TRMT2B: variants seen among roughly 807,000 people sequenced by gnomAD.
TRMT2B encodes the protein tRNA methyltransferase 2B.
Under a neutral mutation model 39.7 loss-of-function variants are expected in TRMT2B, and 34 were observed. The observed-to-expected ratio is 0.86, with a 90% CI of 0.65 to 1.14. The LOEUF is 1.14. TRMT2B is among the 50% of genes most tolerant of loss of function. The probability of loss-of-function intolerance (pLI) is 0.00; values close to 1 mark genes in which losing one functional copy is unlikely to be tolerated. For missense variants in TRMT2B, 318 were observed against 377.2 expected (o/e 0.84, Z 1.30); for synonymous variants, 132 against 137.3 (o/e 0.96, Z 0.27).
chrX:100,995,803 T>C, the TRMT2B span, among the ~76,000 whole-genome samples: 2 of 112,102 alleles, frequency 1.8e-5, no homozygotes, highest in East Asian at 5.6e-4. Flanking sequence ...TGTGAAATAA[T>C]GTTAAGTGAA....
the TRMT2B span, among the ~76,000 whole-genome samples, chrX:100,989,856 G>A: frequency 2.7e-5 from 3 of 112,395 alleles, no homozygotes; most frequent in Non-Finnish European, 3.8e-5. Flanking sequence ...ACATGGAGGG[G>A]CTTGGACTTG....
the TRMT2B span, among the ~76,000 whole-genome samples, chrX:100,977,369 C>CTTTTTTTTTTTTTT: frequency 1.6e-4 from 9 of 56,457 alleles, no homozygotes; most frequent in African/African-American, 6.4e-4. Flanking sequence ...CTACTCTCTT[C>CTTTTTTTTTTTTTT]TTTTTTTTTT....
chrX:101,044,557 C>A (rs1192941498), intron 2 of TRMT2B, among the ~76,000 whole-genome samples: 2 of 110,811 alleles, frequency 1.8e-5, no homozygotes, highest in African/African-American at 6.5e-5. Flanking sequence ...CCTGTCTCTA[C>A]TAAAAATACA....
At chrX:101,004,442 T>C (rs1476233597), downstream of TRMT2B, among the ~76,000 whole-genome samples, 1 of 111,497 alleles carries the variant, frequency 9.0e-6, no homozygotes, top group East Asian at 2.8e-4. Context: ...TGCCTCCACC[T>C]GAGCCACTGC....
At chrX:101,020,427 T>C (rs2086737929) in intron 11 of TRMT2B, 60 bp downstream of exon 11, 1 of 1,006,930 alleles carries the variant, frequency 9.9e-7, no homozygotes, top group South Asian at 1.9e-5. Context: ...CACACAACTC[T>C]TTCCATAGCA....
the TRMT2B span, among the ~76,000 whole-genome samples, chrX:100,978,922 T>G: frequency 9.0e-6 from 1 of 111,065 alleles, no homozygotes; most frequent in Admixed American, 9.7e-5. Context: ...TTTTTTAATA[T>G]TCACCCACTG....
intron 6 of TRMT2B, among the ~76,000 whole-genome samples, 179 bp from the exon 7 acceptor site, chrX:101,035,862 CTAAT>C (rs1332531816): frequency 1.8e-5 from 2 of 112,092 alleles, no homozygotes; most frequent in African/African-American, 6.5e-5. Flanking sequence ...CATTAAGCAG[CTAAT>C]TATTTATGAA....
chrX:100,985,546 C>T, the TRMT2B span: 4 of 830,364 alleles, frequency 4.8e-6, no homozygotes, highest in South Asian at 8.6e-5. Context: ...CTCTTCCCCT[C>T]TGCATAGTAC....
chrX:100,996,652 T>G, the TRMT2B span, among the ~76,000 whole-genome samples: 5 of 111,896 alleles, frequency 4.5e-5, no homozygotes, highest in Admixed American at 9.5e-5. Context: ...CAGTGAGAAA[T>G]TCCTTCCTAA....
rs748338836 is a variant in TRMT2B at position 101,021,190 on chromosome X, G to A, written c.977C>T (p.Thr326Ile). 15 of 1,211,265 alleles carry A rather than the reference G, an allele frequency of 1.2e-5. No homozygotes were observed. The highest frequency in any genetic ancestry group is 1.5e-5 in the Non-Finnish European group (13 of 895,157). Residue 326 changes from threonine (T) to isoleucine (I), a missense_variant, in exon 10 of 14, where the codon ACA becomes ATA. Coordinates refer to ENST00000372936, the MANE Select transcript of TRMT2B (RefSeq NM_024917.6). ...CCGATACAGCATCTCTGCACCAGCT[G>A]TGTTAATCTGGAAAAAGGCATCTGG... ...ISPDAFFQINTAGAEMLYRTV... is the reference protein window; with the variant it reads ...ISPDAFFQINIAGAEMLYRTV...
At chrX:101,051,180 A>C in intron 2 of TRMT2B, 71 bp downstream of exon 2, 1 of 632,469 alleles carries the variant, frequency 1.6e-6, no homozygotes, top group Non-Finnish European at 1.9e-6. Flanking sequence ...GAGTAGCCCA[A>C]ATAGGAAGGC....
At chrX:101,018,944 A>C (rs1328003542) in intron 13 of TRMT2B, 27 bp downstream of exon 13, 2 of 1,066,641 alleles carry the variant, frequency 1.9e-6, no homozygotes, top group Non-Finnish European at 1.3e-6. Context: ...TCAGAACAAA[A>C]AATTTTAAAC....
intron 8 of TRMT2B, 70 bp downstream of exon 8, chrX:101,023,400 C>CA (rs1985245528): frequency 8.8e-7 from 1 of 1,130,461 alleles, no homozygotes. Context: ...CTGAAACTTC[C>CA]AAAAAACCAA....
chrX:101,042,923 T>C (rs1330401154), intron 2 of TRMT2B, among the ~76,000 whole-genome samples: 1 of 111,379 alleles, frequency 9.0e-6, no homozygotes, highest in African/African-American at 3.3e-5. Flanking sequence ...ACCTGAGCCA[T>C]GCAAGTAGCT....
intron 2 of TRMT2B, among the ~76,000 whole-genome samples, chrX:101,049,330 CA>C (rs1206208566): frequency 4.6e-5 from 5 of 108,536 alleles, no homozygotes; most frequent in African/African-American, 1.3e-4. Context: ...CCGGTCTCTA[CA>C]AAAAGTTTTA....
At chrX:101,006,500 G>A (rs749801491), downstream of TRMT2B, among the ~76,000 whole-genome samples, 2 of 110,701 alleles carry the variant, frequency 1.8e-5, no homozygotes, top group South Asian at 7.8e-4. Flanking sequence ...AGACAGATGA[G>A]GGATCTAAAG....
chrX:101,012,884 T>A (rs1486686209), intron 13 of TRMT2B, among the ~76,000 whole-genome samples: 2 of 109,961 alleles, frequency 1.8e-5, no homozygotes, highest in Non-Finnish European at 3.8e-5. Context: ...AGTGGCACAG[T>A]CTTGTCTCAC....
rs1352395785 is a variant in TRMT2B, at chrX:101,010,020, G to A, written c.*561C>T. On this transcript the variant is annotated 3_prime_UTR_variant, in exon 14 of 14. Transcript: ENST00000372936. Reference sequence around the variant, plus strand: ...GACAAGACTATAAACTAGAACCAAGGCTGACAGCAACAGGAAGAAACAGTC... The same window carrying A: ...GACAAGACTATAAACTAGAACCAAGACTGACAGCAACAGGAAGAAACAGTC... 2 of 111,125 alleles carry A rather than the reference G, an allele frequency of 1.8e-5. No individual in the cohort carries two copies. The highest frequency in any genetic ancestry group is 6.6e-5 in the African/African-American group (2 of 30,526). 9.2% of individuals were successfully genotyped at this position (111,125 alleles called of 1,213,427 possible).
chrX:100,992,877 T>C, the TRMT2B span, among the ~76,000 whole-genome samples: 1 of 111,572 alleles, frequency 9.0e-6, no homozygotes, highest in Admixed American at 9.6e-5. Context: ...TCCTACTCCA[T>C]AACCCTTGCT....
Sources: allele counts gnomAD v4.1 joint callset (sites outside exome capture counted in the v4.1 genomes callset), GRCh38; gene constraint gnomAD v4.1.1; transcripts MANE v1.5; gene names NCBI Gene and HGNC (gene_info 2026-07-23, HGNC 2026-07-21).